NOSIP: variants seen among roughly 807,000 people sequenced by gnomAD.
NOSIP encodes the protein nitric oxide synthase-interacting protein.
NOSIP carries 25 observed loss-of-function variants against 36.4 expected under a neutral mutation model. The ratio of observed to expected loss-of-function variants is 0.69; its 90% CI spans 0.50 to 0.96. The LOEUF is 0.96. Among genes scored for constraint, NOSIP ranks in the 40% least tolerant of loss-of-function variants. The pLI is 0.00. For missense variants in NOSIP, 370 were observed against 429.0 expected, an observed-to-expected ratio of 0.86 and a Z score of 1.21; for synonymous variants, 187 against 179.2, an observed-to-expected ratio of 1.04 and a Z score of -0.35.
intron 1 of NOSIP, among the ~76,000 whole-genome samples, chr19:49,573,583 T>A (rs948820171): frequency 5.3e-5 from 8 of 152,088 alleles, no homozygotes; most frequent in Non-Finnish European, 8.8e-5. Context: ...GGGTTAGCAA[T>A]GAACTAACCA....
intron 1 of NOSIP, among the ~76,000 whole-genome samples, chr19:49,566,112 C>G (rs901339232): frequency 6.6e-6 from 1 of 151,844 alleles, no homozygotes; most frequent in Admixed American, 6.6e-5. Flanking sequence ...CTCTGCCACC[C>G]GGGTTCACGC....
intron 1 of NOSIP, among the ~76,000 whole-genome samples, chr19:49,578,360 A>T (rs910771102): frequency 6.6e-6 from 1 of 152,058 alleles, no homozygotes; most frequent in Non-Finnish European, 1.5e-5. Flanking sequence ...CTGACCTCAG[A>T]TGATCCACCT....
Position 49,555,655 on chromosome 19 carries a change from A to C in NOSIP, c.*96T>G. 1.7e-5 allele frequency: 17 copies of C among 1,012,768 alleles called. No homozygotes were observed. The highest frequency in any genetic ancestry group is 2.6e-5 in the Non-Finnish European group (17 of 648,310). The allele number at this position is 1,012,768 out of a possible 1,614,324, so 62.7% of individuals were successfully genotyped here. ...AGGAGCACTGTTTGCACGGCCCTGC[A>C]TCCTCGCCTGCCCTGTCCCCGGGGC... is the stretch of plus-strand genomic sequence containing the variant. On this transcript the variant is annotated 3_prime_UTR_variant, in exon 9 of 9. Transcript: ENST00000596358.
chr19:49,555,658 C>A lies in NOSIP; in HGVS notation c.*93G>T. On this transcript the variant is annotated 3_prime_UTR_variant, in exon 9 of 9. Transcript: ENST00000596358. ...AGCACTGTTTGCACGGCCCTGCATC[C>A]TCGCCTGCCCTGTCCCCGGGGCGCC... is the stretch of plus-strand genomic sequence containing the variant. The A allele has an allele frequency of 1.9e-6, 2 of 1,052,920 alleles. No individual in the cohort carries two copies. The highest frequency in any genetic ancestry group is 1.8e-5 in the Admixed American group (1 of 54,818). The allele number at this position is 1,052,920 out of a possible 1,614,324, so 65.2% of individuals were successfully genotyped here. A position where few individuals can be genotyped will look rare whatever the true frequency, so the allele number is the denominator to read the frequency against.
chr19:49,556,724 T>G lies in NOSIP; in HGVS notation c.550A>C (p.Thr184Pro). 1.2e-6 allele frequency: 2 copies of G among 1,607,602 alleles called. No individual in the cohort carries two copies. Among genetic ancestry groups the G allele is most frequent in the Non-Finnish European group, 1.7e-6 (2 of 1,176,366 alleles). Reference protein sequence around the residue: ...TKLEKPSRTVTCPMSGKPLRM... With the variant: ...TKLEKPSRTVPCPMSGKPLRM... Reference sequence around the variant, plus strand: ...AGGGGCTTCCCTGACATGGGGCAGGTCACCGTGCGGGACTGCAAGGGGCAG... The same window carrying G: ...AGGGGCTTCCCTGACATGGGGCAGGGCACCGTGCGGGACTGCAAGGGGCAG... The change falls in exon 7 of 9, where the codon ACC (threonine) becomes CCC (proline). Residue 184 changes from threonine (T) to proline (P), a missense_variant. This residue lies in a region of NOSIP where 315 missense variants were observed against 331.9 expected (regional missense o/e 0.95). Coordinates refer to ENST00000596358, the MANE Select transcript of NOSIP (RefSeq NM_001270960.2).
intron 1 of NOSIP, among the ~76,000 whole-genome samples, chr19:49,563,007 G>A (rs558231718): frequency 6.6e-6 from 1 of 152,286 alleles, no homozygotes; most frequent in Admixed American, 6.5e-5. Flanking sequence ...CAACGTAAAT[G>A]TGTAGCTGAT....
At chr19:49,564,966 A>G (rs773874012) in intron 1 of NOSIP, among the ~76,000 whole-genome samples, 1 of 152,174 alleles carries the variant, frequency 6.6e-6, no homozygotes, top group Non-Finnish European at 1.5e-5. Flanking sequence ...AAACTCACAA[A>G]GTAATTACTA....
At chr19:49,566,315 C>T (rs538608316) in intron 1 of NOSIP, among the ~76,000 whole-genome samples, 49 of 152,220 alleles carry the variant, frequency 3.2e-4, no homozygotes, top group African/African-American at 1.2e-3. Context: ...CCACTGCGCC[C>T]GGCCTTTTCT....
rs1335031215 is a variant in NOSIP at position 49,556,680 on chromosome 19, C to A, written c.594G>T (p.Thr198=). 1.2e-5 allele frequency: 20 copies of A among 1,611,476 alleles called. No individual in the cohort carries two copies. Among genetic ancestry groups the A allele is most frequent in the Non-Finnish European group, 1.6e-5 (19 of 1,179,080 alleles). Residue 198 remains threonine, a synonymous_variant, in exon 7 of 9, where the codon ACG becomes ACT. Coordinates refer to ENST00000596358, the MANE Select transcript of NOSIP (RefSeq NM_001270960.2). ...TGTCTAGCGGTGTGAAGTGCACGGG[C>A]GTCAGGTCCGACATGCGCAGGGGCT... ...SGKPLRMSDL[T]PVHFTPLDSS...
chr19:49,563,272 C>A (rs138157240), intron 1 of NOSIP, among the ~76,000 whole-genome samples: 1 of 151,666 alleles, frequency 6.6e-6, no homozygotes, highest in Non-Finnish European at 1.5e-5. Flanking sequence ...ACCTCCTGGG[C>A]TCAAGTGATT....
At chr19:49,565,591 A>AAT (rs1555734837) in intron 1 of NOSIP, among the ~76,000 whole-genome samples, 2 of 151,528 alleles carry the variant, frequency 1.3e-5, no homozygotes, top group Non-Finnish European at 2.9e-5. Context: ...TCTACAAAAA[A>AAT]ATATATATAT....
rs1156365438 is a variant in NOSIP at position 49,580,547 on chromosome 19, C to T, written c.-34G>A. The T allele has an allele frequency of 6.6e-6, 1 of 152,174 alleles. No individual in the cohort carries two copies. The highest frequency in any genetic ancestry group is 1.5e-5 in the Non-Finnish European group (1 of 68,068). The allele number at this position is 152,174 out of a possible 1,614,324, so 9.4% of individuals were successfully genotyped here. ...ACGACTCCCAGTCCCTCGGTCGCTT[C>T]TTCAACTGTGCCCCGACACCGGAAA... is the stretch of plus-strand genomic sequence containing the variant. On this transcript the variant is annotated 5_prime_UTR_variant, in exon 1 of 9. Coordinates refer to ENST00000596358, the MANE Select transcript of NOSIP (RefSeq NM_001270960.2).
At chr19:49,562,702 G>A (rs568168516) in intron 1 of NOSIP, among the ~76,000 whole-genome samples, 4 of 152,066 alleles carry the variant, frequency 2.6e-5, no homozygotes, top group East Asian at 1.9e-4. Context: ...CCAACATGGT[G>A]AAACCCTGTC....
chr19:49,576,092 G>A (rs1008251057), intron 1 of NOSIP, among the ~76,000 whole-genome samples: 8 of 152,022 alleles, frequency 5.3e-5, no homozygotes, highest in Non-Finnish European at 7.4e-5. Flanking sequence ...CGGAGATCAC[G>A]CCACTGCACT....
chr19:49,557,040 A>AGCCCGCGGCGCCCCGCCCC (rs1277990643), intron 5 of NOSIP, 47 bp from the exon 6 acceptor site: 3 of 1,589,452 alleles, frequency 1.9e-6, no homozygotes, highest in Non-Finnish European at 1.7e-6. Context: ...GGGCCCGCCC[A>AGCCCGCGGCGCCCCGCCCC]GCCCGCGGCG....
In NOSIP at chr19:49,580,289, T is replaced by TGA. The variant is rs565885266; in HGVS notation, c.-2+224_-2+225dup. Reference sequence around the variant, plus strand: ...AGCTACCACTTGACTGAGTTTATAGTGAGAGAGAGAGACAAAGAGAGAGAG... The same window carrying TGA: ...AGCTACCACTTGACTGAGTTTATAGTGAGAGAGAGAGAGACAAAGAGAGAGAG... On this transcript the variant is annotated intron_variant, in intron 1 of 8. Transcript: ENST00000596358. Among the ~76,000 whole-genome samples the TGA allele has an allele frequency of 3.9e-4, 55 of 142,696 alleles. 1 individual carries two copies. In the South Asian group the frequency reaches 6.7e-3, roughly 17 times the overall value. 93.6% of individuals were successfully genotyped at this position (142,696 alleles called of 152,430 possible).
At chr19:49,556,094 G>GGGGCCTTAAAAGTAGGGCAGGGGCA (rs200191784) in intron 8 of NOSIP, among the ~76,000 whole-genome samples, 1 of 116,772 alleles carries the variant, frequency 8.6e-6, no homozygotes, top group East Asian at 2.7e-4. Flanking sequence ...GGGAAGGGGC[G>GGGGCCTTAAAAGTAGGGCAGGGGCA]GGGCCTTGAA....
At chr19:49,573,112 T>C (rs532524642) in intron 1 of NOSIP, among the ~76,000 whole-genome samples, 193 of 151,970 alleles carry the variant, frequency 1.3e-3, no homozygotes, top group African/African-American at 4.4e-3. Flanking sequence ...TTGCTATAAA[T>C]GAAGAGAGGC....
At position 49,556,255 on chromosome 19, in the gene NOSIP, G is replaced by A. The variant is rs1481639887; in HGVS notation, c.834+62C>T. 9 of 989,018 alleles carry A rather than the reference G, an allele frequency of 9.1e-6. 1 individual carries two copies. The South Asian group carries it at 1.2e-4, about 14-fold the overall frequency. The allele number at this position is 989,018 out of a possible 1,614,324, so 61.3% of individuals were successfully genotyped here. On this transcript the variant is annotated intron_variant, in intron 8 of 8. Coordinates refer to ENST00000596358, the MANE Select transcript of NOSIP (RefSeq NM_001270960.2). ...AAGGGGAGGGGACGAAGCCTTGGAG[G>A]GGGTGAAGGGGAGGGGCGGGGCCTT...
Sources: gnomAD v4.1 joint callset for allele counts (sites outside exome capture counted in the v4.1 genomes callset) on GRCh38, gnomAD v4.1.1 for gene constraint, gnomAD v4.1.1 regional missense constraint, MANE v1.5 for transcripts, NCBI Gene and HGNC (gene_info 2026-07-23, HGNC 2026-07-21) for gene names.